The following MAP3K5 variants were observed in gnomAD, a reference collection of about 807,000 sequenced individuals.
The protein encoded by MAP3K5 is mitogen-activated protein kinase kinase kinase 5, also known as ASK-1.
A neutral mutation model predicts 158.7 loss-of-function variants in MAP3K5; 56 were observed. The ratio of observed to expected loss-of-function variants is 0.35; its 90% confidence interval spans 0.28 to 0.44. The LOEUF is 0.44. Ranked by LOEUF, MAP3K5 falls within the 20% of genes least tolerant of loss-of-function variation. The pLI is 1.00. For synonymous variants in MAP3K5, 579 were observed against 601.7 expected, an observed-to-expected ratio of 0.96 and a Z score of 0.55; for missense variants, 1,294 against 1,674.8, an observed-to-expected ratio of 0.77 and a Z score of 3.97.
intron 1 of MAP3K5, 31 bp from the exon 2 acceptor site, chr6:136,720,620 A>G: frequency 6.3e-7 from 1 of 1,583,052 alleles, no homozygotes; most frequent in Non-Finnish European, 8.6e-7. Flanking sequence ...CCCCCAAAGA[A>G]TGACACCCAA....
intron 14 of MAP3K5, among the ~76,000 whole-genome samples, chr6:136,633,199 G>A (rs1282597407): frequency 6.6e-6 from 1 of 152,002 alleles, no homozygotes; most frequent in Non-Finnish European, 1.5e-5. Flanking sequence ...AGATGTTCAA[G>A]ACCAGCCTGG....
chr6:136,649,877 C>T (rs1452290847), intron 11 of MAP3K5, among the ~76,000 whole-genome samples: 1 of 152,174 alleles, frequency 6.6e-6, no homozygotes, highest in Non-Finnish European at 1.5e-5. Flanking sequence ...ATGAGGACAC[C>T]ATAGCTTGGA....
intron 1 of MAP3K5, among the ~76,000 whole-genome samples, chr6:136,736,355 T>C (rs1192206839): frequency 6.6e-6 from 1 of 152,334 alleles, no homozygotes; most frequent in Non-Finnish European, 1.5e-5. Flanking sequence ...TGTGCAATAG[T>C]TTTTGTTCAA....
In MAP3K5 at chr6:136,792,301, T is replaced by A; in HGVS notation, c.-144A>T. ...CCCTCGCCGCCGCGCCGCCGCCTCCTCTCCGGCGCCCTCTCCCCCGAGGGC... is the reference window on the plus strand; with the variant it reads ...CCCTCGCCGCCGCGCCGCCGCCTCCACTCCGGCGCCCTCTCCCCCGAGGGC... On this transcript the variant is annotated 5_prime_UTR_variant, in exon 1 of 30. Coordinates refer to ENST00000359015, the MANE Select transcript of MAP3K5 (RefSeq NM_005923.4). This position sits in a 1 kb window ranked among gnomAD's most constrained non-coding sequence, Gnocchi z 5.7. The A allele has an allele frequency of 9.6e-7, 1 of 1,042,040 alleles. No homozygotes were observed. Among genetic ancestry groups the A allele is most frequent in the South Asian group, 4.5e-5 (1 of 22,406 alleles). The allele number at this position is 1,042,040 out of a possible 1,614,324, so 64.5% of individuals were successfully genotyped here.
intron 2 of MAP3K5, among the ~76,000 whole-genome samples, chr6:136,713,675 T>C (rs868274829): frequency 6.6e-6 from 1 of 152,204 alleles, no homozygotes; most frequent in African/African-American, 2.4e-5. Flanking sequence ...ATAGCTTAGA[T>C]GAAAGTTAGA....
At chr6:136,647,475 T>G (rs1267245348) in intron 11 of MAP3K5, among the ~76,000 whole-genome samples, 2 of 152,186 alleles carry the variant, frequency 1.3e-5, no homozygotes, top group African/African-American at 2.4e-5. Context: ...TAATTCACAT[T>G]CTGTTCTGCC....
At chr6:136,762,632 G>C (rs1223138464) in intron 1 of MAP3K5, among the ~76,000 whole-genome samples, 6 of 152,214 alleles carry the variant, frequency 3.9e-5, no homozygotes, top group Non-Finnish European at 7.3e-5. Flanking sequence ...GTAAAGCACC[G>C]AGGGAAATTA....
intron 1 of MAP3K5, among the ~76,000 whole-genome samples, chr6:136,776,125 A>C (rs1784394603): frequency 6.6e-6 from 1 of 152,284 alleles, no homozygotes; most frequent in Non-Finnish European, 1.5e-5. Flanking sequence ...ATGTCTCTTC[A>C]GGTAAACCAA....
chr6:136,733,712 C>T (rs1488284141), intron 1 of MAP3K5, among the ~76,000 whole-genome samples: 1 of 152,044 alleles, frequency 6.6e-6, no homozygotes, highest in Admixed American at 6.5e-5. Context: ...ACCTGATGCC[C>T]TCACACACAC....
At position 136,601,788 on chromosome 6, in the gene MAP3K5, A is replaced by T; in HGVS notation, c.2857+14T>A. 1 of 1,613,244 alleles carries T rather than the reference A, an allele frequency of 6.2e-7. No homozygotes were observed. Among genetic ancestry groups the T allele is most frequent in the Non-Finnish European group, 8.5e-7 (1 of 1,179,656 alleles). ...AAGGACTCAGACTATATCCTCTTCA[A>T]TGCAACCACATACCTGAAAGCTTAG... On this transcript the variant is annotated intron_variant, in intron 20 of 29. Transcript: ENST00000359015.
At chr6:136,580,476 G>T in intron 24 of MAP3K5, 70 bp from the exon 25 acceptor site, 3 of 879,774 alleles carry the variant, frequency 3.4e-6, no homozygotes, top group Non-Finnish European at 5.6e-6. Context: ...CGAAGCACTT[G>T]TATGAAGTTC....
rs1263714790 is a variant in MAP3K5, at chr6:136,561,561, T to C, written c.3959A>G (p.Asn1320Ser). Residue 1320 changes from asparagine to serine, a missense_variant, in exon 28 of 30, where the codon AAT becomes AGT. By Grantham distance (46) the Asn-to-Ser change is conservative. Around this residue, in one of 5 missense-constraint regions of MAP3K5, gnomAD observed 199 missense variants for 220.3 expected, o/e 0.90. Transcript: ENST00000359015. ...DSELTDWLRV[N>S]GADEDTISRF... is the part of the protein sequence containing the mutation. ...GCTTATAGTGTCTTCATCAGCTCCA[T>C]TCACTCTCAGCCAGTCGGTAAGTTC... 1 of 1,613,346 alleles carries C rather than the reference T, an allele frequency of 6.2e-7. No individual in the cohort carries two copies. The highest frequency in any genetic ancestry group is 8.5e-7 in the Non-Finnish European group (1 of 1,179,360).
At chr6:136,737,037 G>GTGTGTGTGTATATATATATA (rs759947051) in intron 1 of MAP3K5, among the ~76,000 whole-genome samples, 1 of 127,002 alleles carries the variant, frequency 7.9e-6, no homozygotes, top group African/African-American at 3.8e-5. Context: ...ATATGTGTGT[G>GTGTGTGTGTATATATATATA]TATATATATA....
chr6:136,782,703 C>T (rs1329212143), intron 1 of MAP3K5, among the ~76,000 whole-genome samples: 1 of 152,204 alleles, frequency 6.6e-6, no homozygotes, highest in Non-Finnish European at 1.5e-5. Flanking sequence ...TTATACAGAT[C>T]TGCTCTACTA....
Position 136,720,537 on chromosome 6 carries a change from G to A in MAP3K5, c.501C>T (p.Tyr167=), listed in dbSNP as rs1430590580. The change falls in exon 2 of 30, where the codon TAC becomes TAT. Residue 167 remains tyrosine, a synonymous_variant. Coordinates refer to ENST00000359015, the MANE Select transcript of MAP3K5 (RefSeq NM_005923.4). The part of the protein sequence containing the change: ...SDAFRQPSLF[Y]HLGVRESFSM... The stretch of plus-strand genomic sequence containing the variant: ...TGAAACTTTCTCTCACCCCAAGGTG[G>A]TAAAACAAGGACGGCTGCCGGAAGG... The A allele has an allele frequency of 1.2e-6, 2 of 1,613,318 alleles. No homozygotes were observed. The highest frequency in any genetic ancestry group is 2.2e-5 in the South Asian group (2 of 90,970).
chr6:136,672,525 G>A (rs1333785590), intron 7 of MAP3K5, among the ~76,000 whole-genome samples: 1 of 152,200 alleles, frequency 6.6e-6, no homozygotes, highest in East Asian at 1.9e-4. Context: ...ACCCGAAGGA[G>A]TCCCAAATGT....
Position 136,592,577 on chromosome 6 carries a change from C to G in MAP3K5, c.2916G>C (p.Leu972=). 2 of 1,614,004 alleles carry G rather than the reference C, an allele frequency of 1.2e-6. No individual in the cohort carries two copies. The highest frequency in any genetic ancestry group is 1.7e-6 in the Non-Finnish European group (2 of 1,180,010). Residue 972 remains leucine (L), a synonymous_variant, in exon 22 of 30, where the codon CTG becomes CTC. Coordinates refer to ENST00000359015, the MANE Select transcript of MAP3K5 (RefSeq NM_005923.4). ...CACTGCTGCTGCTGGTGTCCTCCAC[C>G]AGCACAGGTACCGGCAAGGATATAC... ...LRSISLPVPV[L]VEDTSSSSEY...
At chr6:136,575,733 CCA>C (rs1056249787) in intron 25 of MAP3K5, among the ~76,000 whole-genome samples, 1 of 152,156 alleles carries the variant, frequency 6.6e-6, no homozygotes, top group African/African-American at 2.4e-5. Flanking sequence ...GGCAAGAACA[CCA>C]CAGTGTGATG....
At chr6:136,637,045 G>A in intron 14 of MAP3K5, 1 of 1,230,856 alleles carries the variant, frequency 8.1e-7, no homozygotes, top group Non-Finnish European at 1.0e-6. Flanking sequence ...AATGTGTAAG[G>A]ACACCGTGGC....
Sources: allele counts gnomAD v4.1 joint callset (sites outside exome capture counted in the v4.1 genomes callset), GRCh38; gene constraint gnomAD v4.1.1; regional missense constraint gnomAD v4.1.1; non-coding constraint Gnocchi (gnomAD v3.1); transcripts MANE v1.5; gene names NCBI Gene and HGNC (gene_info 2026-07-23, HGNC 2026-07-21).